CELF2: variants seen among roughly 807,000 people sequenced by gnomAD.
CELF2 encodes CUGBP Elav-like family member 2, also known as CUG triplet repeat RNA-binding protein 2.
CELF2 carries 8 observed loss-of-function variants against 62.6 expected under a neutral mutation model. The ratio of observed to expected loss-of-function variants is 0.13; its 90% CI spans 0.07 to 0.23. The LOEUF is 0.23. Among genes scored for constraint, CELF2 ranks in the 10% least tolerant of loss-of-function variants. CELF2 has a pLI of 1.00. For synonymous variants in CELF2, 258 were observed against 250.0 expected, an observed-to-expected ratio of 1.03 and a Z score of -0.30; for missense variants, 333 against 671.0, an observed-to-expected ratio of 0.50 and a Z score of 5.56.
At chr10:10,749,735 A>G in the CELF2 span, among the ~76,000 whole-genome samples, 1 of 152,262 alleles carries the variant, frequency 6.6e-6, no homozygotes, top group African/African-American at 2.4e-5. Flanking sequence ...AGACGAAAAG[A>G]CTGGAAGCAA....
chr10:10,502,317 G>A, the CELF2 span, among the ~76,000 whole-genome samples: 1 of 151,992 alleles, frequency 6.6e-6, no homozygotes, highest in South Asian at 2.1e-4. Context: ...TTTTGGAAGA[G>A]ATTGTGTAGA....
the CELF2 span, among the ~76,000 whole-genome samples, chr10:10,777,153 A>T: frequency 8.6e-5 from 13 of 151,990 alleles, no homozygotes; most frequent in Non-Finnish European, 1.5e-4. Context: ...ACTTCTCCTG[A>T]CTTTACACTC....
At chr10:10,985,733 CT>C (rs2136510078) in intron 2 of CELF2, among the ~76,000 whole-genome samples, 1 of 152,292 alleles carries the variant, frequency 6.6e-6, no homozygotes, top group South Asian at 2.1e-4. Flanking sequence ...CTTTGAAATC[CT>C]GGGTTTCTCA....
chr10:11,153,206 A>G (rs1381888327), intron 1 of CELF2, among the ~76,000 whole-genome samples: 5 of 152,112 alleles, frequency 3.3e-5, no homozygotes, highest in African/African-American at 1.2e-4. Context: ...GGGGCCTTTC[A>G]CCTGTCCCCT....
rs558304756 is a variant in CELF2, at chr10:11,049,213, C to CT, written c.74+31062dup. 1.1e-3 allele frequency among the ~76,000 whole-genome samples: 160 copies of CT among 144,806 alleles called. 2 individuals are homozygous for CT. The highest frequency in any genetic ancestry group is 2.4e-3 in the African/African-American group (96 of 39,626). 95.0% of individuals were successfully genotyped at this position (144,806 alleles called of 152,430 possible). ...ATAGCTGCACTTGTTAGTATGCCAT[C>CT]TTTTTTTTTTTTAAAACTGCCTGTC... On this transcript the variant is annotated intron_variant, in intron 1 of 12. Transcript: ENST00000633077.
At chr10:10,521,361 A>G in the CELF2 span, among the ~76,000 whole-genome samples, 2 of 152,166 alleles carry the variant, frequency 1.3e-5, no homozygotes, top group Non-Finnish European at 2.9e-5. Flanking sequence ...GGAGCCTCCA[A>G]AATGCCTGGG....
chr10:10,565,795 A>G, the CELF2 span, among the ~76,000 whole-genome samples: 7 of 152,226 alleles, frequency 4.6e-5, no homozygotes, highest in Non-Finnish European at 8.8e-5. Flanking sequence ...GAGCTACATT[A>G]GCTTCATATT....
At chr10:10,602,009 G>A in the CELF2 span, among the ~76,000 whole-genome samples, 1 of 151,940 alleles carries the variant, frequency 6.6e-6, no homozygotes, top group Admixed American at 6.6e-5. Context: ...TTGTTCCAGT[G>A]TTAGTTTGCT....
the CELF2 span, among the ~76,000 whole-genome samples, chr10:10,607,788 A>G: frequency 2.6e-5 from 4 of 152,170 alleles, no homozygotes; most frequent in South Asian, 8.3e-4. Context: ...GGATGTCTCC[A>G]AACAAAACTT....
chr10:10,659,153 A>G, the CELF2 span, among the ~76,000 whole-genome samples: 1 of 152,296 alleles, frequency 6.6e-6, no homozygotes, highest in South Asian at 2.1e-4. Context: ...AGAGCCTGAT[A>G]ATAGTGGTTT....
chr10:10,495,949 T>C, the CELF2 span, among the ~76,000 whole-genome samples: 131,767 of 152,278 alleles, frequency 0.87, 57,877 homozygotes, highest in Non-Finnish European at 0.94. Context: ...AACCATTTGT[T>C]ACTCTTTAAA....
intron 5 of CELF2, among the ~76,000 whole-genome samples, chr10:11,263,602 C>G (rs77687033): frequency 0.021 from 3,158 of 152,252 alleles, 41 homozygotes; most frequent in Admixed American, 0.034. Flanking sequence ...CCCAGAAGCT[C>G]ATTTTTAGTA....
the CELF2 span, among the ~76,000 whole-genome samples, chr10:10,681,603 G>C: frequency 2.0e-5 from 3 of 152,096 alleles, no homozygotes; most frequent in Admixed American, 1.3e-4. Context: ...CCATGAAATA[G>C]TGCTGTTCTT....
the CELF2 span, among the ~76,000 whole-genome samples, chr10:10,734,261 G>A: frequency 6.6e-6 from 1 of 152,252 alleles, no homozygotes; most frequent in African/African-American, 2.4e-5. Flanking sequence ...CTTGCTATTG[G>A]TAATAGCACA....
chr10:10,802,270 G>A (rs2054747085), intron 1 of CELF2, among the ~76,000 whole-genome samples: 1 of 152,108 alleles, frequency 6.6e-6, no homozygotes, highest in African/African-American at 2.4e-5. Context: ...AAGAGATCGA[G>A]ACCATCCGGG....
chr10:11,231,376 G>A (rs1253047395), intron 3 of CELF2, among the ~76,000 whole-genome samples: 1 of 152,236 alleles, frequency 6.6e-6, no homozygotes, highest in Non-Finnish European at 1.5e-5. Flanking sequence ...GTGAGCTGCA[G>A]TTGGGCGACC....
intron 1 of CELF2, among the ~76,000 whole-genome samples, chr10:10,878,888 A>G (rs534782061): frequency 2.0e-5 from 3 of 152,168 alleles, no homozygotes; most frequent in African/African-American, 4.8e-5. Context: ...ATGAAGGGCT[A>G]TGACTGCTTT....
Position 11,329,196 on chromosome 10 carries a change from C to T in CELF2, c.*143C>T, listed in dbSNP as rs1216260529. ...GACGGTTATTTTTACAATAAGGCCT[C>T]CATGTCCCCACCCACTTCCCCTACC... is the stretch of plus-strand genomic sequence containing the variant. On this transcript the variant is annotated 3_prime_UTR_variant, in exon 13 of 13. Coordinates refer to ENST00000633077, the MANE Select transcript of CELF2 (RefSeq NM_001326342.2). This position sits in a 1 kb window ranked among gnomAD's most constrained non-coding sequence, Gnocchi z 5.5. 7.6e-6 allele frequency: 6 copies of T among 785,600 alleles called. No individual in the cohort carries two copies. Among genetic ancestry groups the T allele is most frequent in the Admixed American group, 3.1e-5 (1 of 32,248 alleles). The allele number at this position is 785,600 out of a possible 1,614,324, so 48.7% of individuals were successfully genotyped here. A position where few individuals can be genotyped will look rare whatever the true frequency, so the allele number is the denominator to read the frequency against.
intron 2 of CELF2, among the ~76,000 whole-genome samples, chr10:10,954,356 C>G (rs2048666984): frequency 1.3e-5 from 2 of 152,002 alleles, no homozygotes; most frequent in South Asian, 4.2e-4. Context: ...AGGAATTCTC[C>G]TGCCTCAGCC....
Sources: gnomAD v4.1 joint callset for allele counts (sites outside exome capture counted in the v4.1 genomes callset) on GRCh38, gnomAD v4.1.1 for gene constraint, Gnocchi (gnomAD v3.1) non-coding constraint, MANE v1.5 for transcripts, NCBI Gene and HGNC (gene_info 2026-07-23, HGNC 2026-07-21) for gene names.